The following UBR1 variants were observed in gnomAD, a reference collection of about 807,000 sequenced individuals.
The protein encoded by UBR1 is ubiquitin protein ligase E3 component n-recognin 1, also known as E3 ubiquitin-protein ligase UBR1.
Under a neutral mutation model 242.1 loss-of-function variants are expected in UBR1, and 102 were observed. The ratio of observed to expected loss-of-function variants is 0.42; its 90% confidence interval spans 0.36 to 0.50. UBR1 has a LOEUF of 0.50. UBR1 is among the 20% of genes least tolerant of loss of function. The probability of loss-of-function intolerance (pLI) is 0.01; values close to 1 mark genes in which losing one functional copy is unlikely to be tolerated. For missense variants in UBR1, 1,772 were observed against 2,101.8 expected (o/e 0.84, Z 3.07); for synonymous variants, 675 against 684.8 (o/e 0.99, Z 0.22).
At chr15:43,039,801 T>C (rs1005494502) in intron 15 of UBR1, among the ~76,000 whole-genome samples, 4 of 152,194 alleles carry the variant, frequency 2.6e-5, no homozygotes, top group Non-Finnish European at 5.9e-5. Context: ...TTCAGTATGA[T>C]ATTGGCTGTG....
intron 26 of UBR1, among the ~76,000 whole-genome samples, chr15:43,022,002 C>A (rs2033116842): frequency 6.6e-6 from 1 of 152,132 alleles, no homozygotes; most frequent in African/African-American, 2.4e-5. Context: ...TGTCTCTGGT[C>A]TTTCCTCTGC....
Position 42,978,095 on chromosome 15 carries a change from A to C in UBR1, c.4151-148T>G. The C allele has an allele frequency of 5.9e-6, 4 of 677,020 alleles. No homozygotes were observed. In the South Asian group the frequency reaches 7.0e-5, roughly 12 times the overall value. 41.9% of individuals were successfully genotyped at this position (677,020 alleles called of 1,614,324 possible). A position where few individuals can be genotyped will look rare whatever the true frequency, so the allele number is the denominator to read the frequency against. On this transcript the variant is annotated intron_variant, in intron 37 of 46. Coordinates refer to ENST00000290650, the MANE Select transcript of UBR1 (RefSeq NM_174916.3). ...ATCACACCTTTGAGATATGAAAACCATAATGAGAGACAAACTGAACTGAGA... is the reference window on the plus strand; with the variant it reads ...ATCACACCTTTGAGATATGAAAACCCTAATGAGAGACAAACTGAACTGAGA...
intron 40 of UBR1, among the ~76,000 whole-genome samples, chr15:42,967,750 T>C (rs2032133144): frequency 6.6e-6 from 1 of 151,658 alleles, no homozygotes; most frequent in Non-Finnish European, 1.5e-5. Context: ...CTGCTCAATT[T>C]TTCTGTAAAC....
chr15:42,977,196 C>G (rs2032304229), intron 38 of UBR1, among the ~76,000 whole-genome samples: 1 of 152,060 alleles, frequency 6.6e-6, no homozygotes, highest in East Asian at 1.9e-4. Flanking sequence ...CCTAGTCCAA[C>G]CAAATGAGAA....
chr15:43,085,601 G>C (rs1403623257), intron 2 of UBR1, among the ~76,000 whole-genome samples: 1 of 151,778 alleles, frequency 6.6e-6, no homozygotes, highest in Non-Finnish European at 1.5e-5. Context: ...TGTAATACTT[G>C]GCCAGGATGC....
intron 39 of UBR1, 57 bp from the exon 40 acceptor site, chr15:42,970,664 G>C: frequency 2.1e-6 from 3 of 1,448,264 alleles, no homozygotes; most frequent in Non-Finnish European, 2.9e-6. Flanking sequence ...TTACAAATTA[G>C]ACTTTAATTT....
intron 33 of UBR1, 71 bp downstream of exon 33, chr15:42,998,097 A>C (rs2032667460): frequency 7.5e-7 from 1 of 1,339,570 alleles, no homozygotes; most frequent in Non-Finnish European, 1.0e-6. Flanking sequence ...TTTTAGCCCA[A>C]TAATTATTTA....
At chr15:43,043,480 G>C in intron 14 of UBR1, 85 bp from the exon 15 acceptor site, 1 of 1,296,370 alleles carries the variant, frequency 7.7e-7, no homozygotes, top group Non-Finnish European at 1.1e-6. Flanking sequence ...CCTGTCCTGT[G>C]GCCTAGGCTG....
intron 30 of UBR1, among the ~76,000 whole-genome samples, chr15:43,004,567 G>C (rs937545158): frequency 6.6e-6 from 1 of 152,242 alleles, no homozygotes; most frequent in Admixed American, 6.5e-5. Context: ...TTTTGGTGGA[G>C]ACGGGGTTTC....
chr15:42,961,366 G>A (rs530621692), intron 42 of UBR1, among the ~76,000 whole-genome samples: 1 of 151,166 alleles, frequency 6.6e-6, no homozygotes, highest in Non-Finnish European at 1.5e-5. Context: ...GCCTGCCTCG[G>A]CTTCCCAAAG....
chr15:43,043,545 ACCT>A, intron 14 of UBR1, 150 bp from the exon 15 acceptor site: 1 of 729,050 alleles, frequency 1.4e-6, no homozygotes, highest in Non-Finnish European at 2.4e-6. Flanking sequence ...GGGCTCAGTC[ACCT>A]GAGGTGATTC....
intron 27 of UBR1, among the ~76,000 whole-genome samples, chr15:43,019,701 G>C (rs930295287): frequency 1.3e-5 from 2 of 149,468 alleles, no homozygotes; most frequent in African/African-American, 4.9e-5. Flanking sequence ...TCCTGCCTCA[G>C]CCTCCTGAGT....
At chr15:43,044,333 A>G (rs2033456744) in intron 14 of UBR1, among the ~76,000 whole-genome samples, 1 of 152,220 alleles carries the variant, frequency 6.6e-6, no homozygotes, top group African/African-American at 2.4e-5. Flanking sequence ...GAAGATGACT[A>G]TAAAGTAAAG....
At chr15:43,011,451 C>T (rs2032922221) in intron 29 of UBR1, among the ~76,000 whole-genome samples, 2 of 151,970 alleles carry the variant, frequency 1.3e-5, no homozygotes, top group South Asian at 4.2e-4. Flanking sequence ...GGAAAGCACC[C>T]AATAGAGATG....
intron 39 of UBR1, among the ~76,000 whole-genome samples, chr15:42,975,633 G>A (rs2032276620): frequency 6.6e-6 from 1 of 151,972 alleles, no homozygotes; most frequent in Admixed American, 6.6e-5. Flanking sequence ...TACATTATAT[G>A]AATCTTCAGA....
intron 6 of UBR1, among the ~76,000 whole-genome samples, chr15:43,063,257 C>G (rs2033709854): frequency 6.6e-6 from 1 of 152,164 alleles, no homozygotes; most frequent in Admixed American, 6.6e-5. Flanking sequence ...GGAATAAAGG[C>G]TAAGAAGAGA....
intron 6 of UBR1, 80 bp downstream of exon 6, chr15:43,067,818 C>A: frequency 6.3e-7 from 1 of 1,575,168 alleles, no homozygotes; most frequent in South Asian, 1.1e-5. Context: ...TAGCACAATA[C>A]TGAGCAAGGG....
At position 42,950,459 on chromosome 15, in the gene UBR1, A is replaced by G. The variant is rs79654027; in HGVS notation, c.5007-96T>C. Reference sequence around the variant, plus strand: ...AACCTAGAGAAAAGACGTGGCCAATATCTGTTAGATATTCAGTAAAAAGAC... The same window carrying G: ...AACCTAGAGAAAAGACGTGGCCAATGTCTGTTAGATATTCAGTAAAAAGAC... On this transcript the variant is annotated intron_variant, in intron 45 of 46. Transcript: ENST00000290650. 491 of 969,948 alleles carry G rather than the reference A, an allele frequency of 5.1e-4. 3 individuals are homozygous for G. The East Asian group carries it at 0.011, about 21-fold the overall frequency. 60.1% of individuals were successfully genotyped at this position (969,948 alleles called of 1,614,324 possible). A position where few individuals can be genotyped will look rare whatever the true frequency, so the allele number is the denominator to read the frequency against.
At chr15:43,011,813 T>A (rs1033455452) in intron 29 of UBR1, 1 of 373,618 alleles carries the variant, frequency 2.7e-6, no homozygotes, top group Non-Finnish European at 5.4e-6. Context: ...TACAAAAAGA[T>A]TCTCACGAAC....
Sources: gnomAD v4.1 joint callset for allele counts (sites outside exome capture counted in the v4.1 genomes callset) on GRCh38, gnomAD v4.1.1 for gene constraint, MANE v1.5 for transcripts, NCBI Gene and HGNC (gene_info 2026-07-23, HGNC 2026-07-21) for gene names.